Variants in LCLAT1 observed in about 807,000 individuals in gnomAD.
The protein encoded by LCLAT1 is 1-AGP acyltransferase 8.
Under a neutral mutation model 30.7 loss-of-function variants are expected in LCLAT1, and 11 were observed. The ratio of observed to expected loss-of-function variants is 0.36; its 90% CI spans 0.23 to 0.59. LCLAT1 has a LOEUF of 0.59. LCLAT1 is among the 20% of genes least tolerant of loss of function. LCLAT1 has a pLI of 0.77. For missense variants in LCLAT1, 402 were observed against 458.6 expected, an observed-to-expected ratio of 0.88 and a Z score of 1.13; for synonymous variants, 155 against 151.3, an observed-to-expected ratio of 1.02 and a Z score of -0.18.
At position 30,527,367 on chromosome 2, in the gene LCLAT1, A is replaced by G. The variant is rs116279668; in HGVS notation, c.165+1612A>G. On this transcript the variant is annotated intron_variant, in intron 2 of 5. Transcript: ENST00000379509. ...AAAAGATTTTTTGTAACAGTCATGTATTGTTACTGTACTCCATTTTCTAAA... is the reference window on the plus strand; with the variant it reads ...AAAAGATTTTTTGTAACAGTCATGTGTTGTTACTGTACTCCATTTTCTAAA... Among the ~76,000 whole-genome samples, 1,062 of 152,282 alleles carry G rather than the reference A, an allele frequency of 7.0e-3. 11 individuals carry two copies. Among genetic ancestry groups the G allele is most frequent in the African/African-American group, 0.024 (1,005 of 41,560 alleles).
At chr2:30,466,229 T>C (rs965297725) in intron 1 of LCLAT1, among the ~76,000 whole-genome samples, 1 of 149,606 alleles carries the variant, frequency 6.7e-6, no homozygotes, top group African/African-American at 2.4e-5. Context: ...GTGTTTTCTT[T>C]TTTTCTTTTC....
intron 3 of LCLAT1, among the ~76,000 whole-genome samples, chr2:30,559,595 T>TTTA (rs1279872523): frequency 1.3e-5 from 2 of 152,226 alleles, no homozygotes; most frequent in Non-Finnish European, 2.9e-5. Flanking sequence ...TTCTCACCTT[T>TTTA]TTATTATTAT....
At chr2:30,500,394 T>G (rs1684317580) in intron 1 of LCLAT1, among the ~76,000 whole-genome samples, 1 of 152,230 alleles carries the variant, frequency 6.6e-6, no homozygotes, top group Non-Finnish European at 1.5e-5. Context: ...TTTACCTCAT[T>G]GCCTAGATAA....
chr2:30,515,589 T>C (rs1227030369), intron 1 of LCLAT1, among the ~76,000 whole-genome samples: 1 of 152,196 alleles, frequency 6.6e-6, no homozygotes, highest in Non-Finnish European at 1.5e-5. Flanking sequence ...TGGAAAAACT[T>C]GTTAGGTTAC....
At chr2:30,462,799 T>A (rs1038436917) in intron 1 of LCLAT1, among the ~76,000 whole-genome samples, 13 of 152,200 alleles carry the variant, frequency 8.5e-5, no homozygotes, top group Non-Finnish European at 1.9e-4. Flanking sequence ...AATTTTAAAC[T>A]ATAAAAGTTC....
At chr2:30,481,618 G>A (rs1216845053) in intron 1 of LCLAT1, among the ~76,000 whole-genome samples, 2 of 152,164 alleles carry the variant, frequency 1.3e-5, no homozygotes, top group Non-Finnish European at 2.9e-5. Context: ...GTAAAATGAG[G>A]ACAGAGAAGT....
intron 3 of LCLAT1, among the ~76,000 whole-genome samples, chr2:30,543,726 A>G (rs1420941619): frequency 6.6e-6 from 1 of 152,128 alleles, no homozygotes; most frequent in Non-Finnish European, 1.5e-5. Flanking sequence ...TTTAATGCTT[A>G]AAGAGTCTGT....
chr2:30,529,190 T>C (rs965914995), intron 2 of LCLAT1, among the ~76,000 whole-genome samples: 1 of 152,340 alleles, frequency 6.6e-6, no homozygotes, highest in African/African-American at 2.4e-5. Context: ...TTCACAAAAA[T>C]AGTCACAAAA....
chr2:30,522,175 G>A (rs1033328269), intron 1 of LCLAT1, among the ~76,000 whole-genome samples: 2 of 152,130 alleles, frequency 1.3e-5, no homozygotes, highest in Non-Finnish European at 2.9e-5. Context: ...ATAGGTTTTT[G>A]TGTGAATATA....
Position 30,462,114 on chromosome 2 carries a change from C to T in LCLAT1, c.-5+14731C>T, listed in dbSNP as rs576952183. Among the ~76,000 whole-genome samples the T allele has an allele frequency of 2.0e-5, 3 of 152,288 alleles. No homozygotes were observed. The South Asian group carries it at 6.2e-4, about 32-fold the overall frequency. ...ACATCATTTTTGAACTCAGAACTTT[C>T]AGTTACTCTCCATTACTGTAGGATA... On this transcript the variant is annotated intron_variant, in intron 1 of 5. Transcript: ENST00000379509.
chr2:30,485,021 A>G (rs1228047241), intron 1 of LCLAT1, among the ~76,000 whole-genome samples: 2 of 152,130 alleles, frequency 1.3e-5, no homozygotes, highest in Admixed American at 1.3e-4. Context: ...TGACTAATTA[A>G]ATTATCCAAA....
chr2:30,497,152 A>G (rs1213672149), intron 1 of LCLAT1, among the ~76,000 whole-genome samples: 1 of 152,194 alleles, frequency 6.6e-6, no homozygotes, highest in African/African-American at 2.4e-5. Flanking sequence ...TAGACTCAGC[A>G]TTTTCTGATA....
At chr2:30,519,353 C>T (rs1187041853) in intron 1 of LCLAT1, among the ~76,000 whole-genome samples, 1 of 152,214 alleles carries the variant, frequency 6.6e-6, no homozygotes, top group Non-Finnish European at 1.5e-5. Flanking sequence ...CTAGCCCATG[C>T]TCTGATGTTG....
chr2:30,498,752 T>C (rs908948080), intron 1 of LCLAT1, among the ~76,000 whole-genome samples: 1 of 152,232 alleles, frequency 6.6e-6, no homozygotes, highest in Admixed American at 6.5e-5. Context: ...ATTGGAATAT[T>C]GTTTGTAAAG....
At chr2:30,551,861 G>C (rs1456383597) in intron 3 of LCLAT1, among the ~76,000 whole-genome samples, 1 of 152,052 alleles carries the variant, frequency 6.6e-6, no homozygotes, top group African/African-American at 2.4e-5. Context: ...GTACATAGTA[G>C]GTATATATTT....
chr2:30,457,824 C>T (rs149039699), intron 1 of LCLAT1, among the ~76,000 whole-genome samples: 51 of 152,198 alleles, frequency 3.4e-4, no homozygotes, highest in Middle Eastern at 3.4e-3. Context: ...ATTTGGGTCA[C>T]GGAATTTTAT....
intron 1 of LCLAT1, among the ~76,000 whole-genome samples, chr2:30,505,099 G>A (rs1684591905): frequency 6.6e-6 from 1 of 152,046 alleles, no homozygotes; most frequent in African/African-American, 2.4e-5. Flanking sequence ...CCCCATCAGT[G>A]GACATTAATG....
chr2:30,538,190 A>T (rs1001785284), intron 3 of LCLAT1, among the ~76,000 whole-genome samples: 2 of 152,158 alleles, frequency 1.3e-5, no homozygotes, highest in Non-Finnish European at 2.9e-5. Context: ...AACAAACCAA[A>T]CTGAAAATTA....
chr2:30,555,969 C>G (rs1397280389), intron 3 of LCLAT1, among the ~76,000 whole-genome samples: 1 of 151,618 alleles, frequency 6.6e-6, no homozygotes, highest in African/African-American at 2.4e-5. Flanking sequence ...TCCGGAATAG[C>G]TGGGGCAATA....
Sources: gnomAD v4.1 joint callset for allele counts (sites outside exome capture counted in the v4.1 genomes callset) on GRCh38, gnomAD v4.1.1 for gene constraint, MANE v1.5 for transcripts, NCBI Gene and HGNC (gene_info 2026-07-23, HGNC 2026-07-21) for gene names.